The following AMZ2 variants were observed in gnomAD, a reference collection of about 807,000 sequenced individuals.
The protein encoded by AMZ2 is archaemetzincin-2.
Under a neutral mutation model 36.7 loss-of-function variants are expected in AMZ2, and 26 were observed. That is an observed-to-expected ratio of 0.71 (90% CI 0.52 to 0.98). AMZ2 has a LOEUF of 0.98. AMZ2 is among the 50% of genes least tolerant of loss of function. The pLI is 0.00. For synonymous variants in AMZ2, 144 were observed against 149.1 expected, an observed-to-expected ratio of 0.97 and a Z score of 0.25; for missense variants, 394 against 430.5, an observed-to-expected ratio of 0.92 and a Z score of 0.75.
chr17:68,250,267 A>G lies in AMZ2; in HGVS notation c.80A>G (p.Glu27Gly). The change falls in exon 2 of 7, where the codon GAG (glutamate) becomes GGG (glycine). Residue 27 changes from glutamate to glycine, a missense_variant. Coordinates refer to ENST00000359904, the MANE Select transcript of AMZ2 (RefSeq NM_016627.5). ...AACCCAGTGCTTGTATCACAGTATG[A>G]GAAATTAAATGCTGGGGAACAACGT... ...SKNPVLVSQYEKLNAGEQRLM... is the reference protein window; with the variant it reads ...SKNPVLVSQYGKLNAGEQRLM... The G allele has an allele frequency of 6.2e-7, 1 of 1,614,186 alleles. No individual in the cohort carries two copies. The highest frequency in any genetic ancestry group is 8.5e-7 in the Non-Finnish European group (1 of 1,180,040).
At chr17:68,223,634 G>A (rs868967754) in intron 1 of AMZ2, among the ~76,000 whole-genome samples, 7 of 152,116 alleles carry the variant, frequency 4.6e-5, no homozygotes, top group African/African-American at 1.7e-4. Context: ...CTGCCTCTCG[G>A]GTTCAAGTGA....
At chr17:68,231,820 CA>C (rs2073670796) in intron 1 of AMZ2, among the ~76,000 whole-genome samples, 1 of 152,096 alleles carries the variant, frequency 6.6e-6, no homozygotes, top group Admixed American at 6.6e-5. Flanking sequence ...TCAGGTTTTA[CA>C]AATAAAAATA....
At chr17:68,218,657 TC>T (rs1275519916) in intron 1 of AMZ2, among the ~76,000 whole-genome samples, 1 of 152,190 alleles carries the variant, frequency 6.6e-6, no homozygotes, top group Non-Finnish European at 1.5e-5. Context: ...CTGTCCACAT[TC>T]AGTTCTGTAT....
At chr17:68,249,996 G>C in intron 1 of AMZ2, 192 bp from the exon 2 acceptor site, 1 of 621,072 alleles carries the variant, frequency 1.6e-6, no homozygotes, top group Non-Finnish European at 2.7e-6. Context: ...TGGATTTCAT[G>C]ATTGTCTTTT....
chr17:68,243,814 A>G (rs189130556), upstream of AMZ2, among the ~76,000 whole-genome samples: 2 of 152,326 alleles, frequency 1.3e-5, no homozygotes, highest in East Asian at 3.9e-4. Context: ...TTGGGGGGAA[A>G]TTCGTAAAAT....
intron 1 of AMZ2, among the ~76,000 whole-genome samples, chr17:68,211,782 A>ATGTATATGTATATATG (rs200193475): frequency 1.6e-5 from 2 of 125,096 alleles, no homozygotes; most frequent in Non-Finnish European, 3.1e-5. Context: ...ATATGTATAT[A>ATGTATATGTATATATG]TGTATATGTA....
chr17:68,209,632 A>ATTTTTTTTTT (rs1224207690), intron 1 of AMZ2, among the ~76,000 whole-genome samples: 16 of 90,670 alleles, frequency 1.8e-4, no homozygotes, highest in African/African-American at 4.5e-4. Flanking sequence ...ATATATATAT[A>ATTTTTTTTTT]TTTTTTTTTT....
At chr17:68,238,175 C>T (rs2073829094) in intron 1 of AMZ2, among the ~76,000 whole-genome samples, 1 of 152,114 alleles carries the variant, frequency 6.6e-6, no homozygotes, top group African/African-American at 2.4e-5. Flanking sequence ...CAACTGAGGC[C>T]ACTGACCCAG....
upstream of AMZ2, chr17:68,247,619 T>C: frequency 5.1e-6 from 5 of 985,258 alleles, no homozygotes; most frequent in Non-Finnish European, 4.8e-6. Flanking sequence ...CGGGGAGCGC[T>C]GCGGCTCTAC....
chr17:68,218,143 T>A (rs2073250806), intron 1 of AMZ2, among the ~76,000 whole-genome samples: 2 of 152,144 alleles, frequency 1.3e-5, no homozygotes, highest in South Asian at 4.1e-4. Flanking sequence ...GAATTTATGG[T>A]CCACCTGAGG....
At chr17:68,247,492 T>G, upstream of AMZ2, 1 of 375,332 alleles carries the variant, frequency 2.7e-6, no homozygotes, top group Non-Finnish European at 3.7e-6. Context: ...AGCATCCGGG[T>G]TTCGGCCTCG....
At chr17:68,209,632 A>ATT (rs1224207690) in intron 1 of AMZ2, among the ~76,000 whole-genome samples, 60 of 90,678 alleles carry the variant, frequency 6.6e-4, no homozygotes, top group East Asian at 4.6e-3. Flanking sequence ...ATATATATAT[A>ATT]TTTTTTTTTT....
At chr17:68,254,616 A>G (rs782438375) in intron 5 of AMZ2, 49 bp downstream of exon 5, 5 of 1,480,912 alleles carry the variant, frequency 3.4e-6, no homozygotes, top group Admixed American at 3.7e-5. Context: ...AAGAGATCTT[A>G]GTTCCGTAAA....
chr17:68,221,214 C>CT (rs1338538911), intron 1 of AMZ2, among the ~76,000 whole-genome samples: 1 of 83,572 alleles, frequency 1.2e-5, no homozygotes, highest in Non-Finnish European at 2.4e-5. Context: ...TCAGCTCCCC[C>CT]CCCCGCCCCC....
At chr17:68,220,782 CTTTTTTT>C (rs11298867) in intron 1 of AMZ2, among the ~76,000 whole-genome samples, 1 of 131,814 alleles carries the variant, frequency 7.6e-6, no homozygotes, top group South Asian at 2.4e-4. Flanking sequence ...TTTTCTTTCT[CTTTTTTT>C]TTTTTTTTTG....
chr17:68,237,672 G>A (rs1434086640), intron 1 of AMZ2, among the ~76,000 whole-genome samples: 2 of 152,172 alleles, frequency 1.3e-5, no homozygotes, highest in African/African-American at 4.8e-5. Flanking sequence ...CCTGCATTTA[G>A]CACAGCAGTG....
chr17:68,236,336 A>G (rs1271506843), intron 1 of AMZ2, among the ~76,000 whole-genome samples: 1 of 152,020 alleles, frequency 6.6e-6, no homozygotes, highest in African/African-American at 2.4e-5. Flanking sequence ...ACATATGAAC[A>G]TGATATTATA....
At chr17:68,222,825 A>C (rs1555728922) in intron 1 of AMZ2, among the ~76,000 whole-genome samples, 1 of 152,208 alleles carries the variant, frequency 6.6e-6, no homozygotes, top group Non-Finnish European at 1.5e-5. Flanking sequence ...AGCTTTCCTC[A>C]TTCACCCACT....
chr17:68,209,227 T>C (rs768763822), intron 1 of AMZ2, among the ~76,000 whole-genome samples: 2 of 151,206 alleles, frequency 1.3e-5, no homozygotes, highest in Non-Finnish European at 2.9e-5. Flanking sequence ...GGAGTCTTGC[T>C]CTGTCGCCTA....
Sources: gnomAD v4.1 joint callset for allele counts (sites outside exome capture counted in the v4.1 genomes callset) on GRCh38, gnomAD v4.1.1 for gene constraint, MANE v1.5 for transcripts, NCBI Gene and HGNC (gene_info 2026-07-23, HGNC 2026-07-21) for gene names.